CCDC171: variants seen among roughly 807,000 people sequenced by gnomAD.
The protein encoded by CCDC171 is coiled-coil domain containing 171, also known as coiled-coil domain-containing protein 171.
Under a neutral mutation model 168.2 loss-of-function variants are expected in CCDC171, and 177 were observed. The observed-to-expected ratio is 1.05, with a 90% confidence interval of 0.93 to 1.19. The LOEUF (loss-of-function observed/expected upper bound fraction) is 1.19. Ranked by LOEUF, CCDC171 falls within the 50% of genes most tolerant of loss-of-function variation. The pLI, the probability that CCDC171 is intolerant of heterozygous loss-of-function variation, is 0.00. For synonymous variants in CCDC171, 687 were observed against 540.8 expected (o/e 1.27, Z -3.75); for missense variants, 1,991 against 1,539.0 (o/e 1.29, Z -4.91).
intron 7 of CCDC171, 109 bp from the exon 8 acceptor site, chr9:15,657,018 G>A (rs1191874113): frequency 8.3e-6 from 4 of 479,812 alleles, no homozygotes; most frequent in Admixed American, 7.9e-5. Flanking sequence ...AAAAAAATGA[G>A]GCTGCAAGTC....
intron 25 of CCDC171, among the ~76,000 whole-genome samples, chr9:15,949,816 G>T (rs1334945304): frequency 6.6e-6 from 1 of 151,998 alleles, no homozygotes; most frequent in Non-Finnish European, 1.5e-5. Flanking sequence ...CTGCCTAATT[G>T]CCCTGGCCAG....
Position 15,770,492 on chromosome 9 carries a change from A to G in CCDC171, c.2672-7108A>G, listed in dbSNP as rs1334843758. On this transcript the variant is annotated intron_variant, in intron 18 of 25. Transcript: ENST00000380701. ...TTCCACCAGACTGCCAAAGGTATCTACAGTACAAATGTATCATTTGTCTAA... is the reference window on the plus strand; with the variant it reads ...TTCCACCAGACTGCCAAAGGTATCTGCAGTACAAATGTATCATTTGTCTAA... Among the ~76,000 whole-genome samples, 4 of 152,218 alleles carry G rather than the reference A, an allele frequency of 2.6e-5. No individual in the cohort carries two copies. The East Asian group carries it at 5.8e-4, about 22-fold the overall frequency.
chr9:15,623,206 G>A (rs2044647139), intron 6 of CCDC171, 61 bp from the exon 7 acceptor site: 5 of 1,239,324 alleles, frequency 4.0e-6, no homozygotes, highest in Non-Finnish European at 5.5e-6. Flanking sequence ...TTCTATTGGA[G>A]TGACTCTTAG....
chr9:15,635,149 C>T (rs188048858), intron 7 of CCDC171, among the ~76,000 whole-genome samples: 1 of 152,216 alleles, frequency 6.6e-6, no homozygotes, highest in East Asian at 1.9e-4. Flanking sequence ...CTTACACTAT[C>T]ACAAGTTGAA....
At chr9:15,877,810 T>C (rs1007916410) in intron 24 of CCDC171, among the ~76,000 whole-genome samples, 1 of 152,158 alleles carries the variant, frequency 6.6e-6, no homozygotes, top group African/African-American at 2.4e-5. Context: ...TATCTTATAC[T>C]CTGAATTACA....
At chr9:15,686,488 T>G (rs1382216066) in intron 10 of CCDC171, among the ~76,000 whole-genome samples, 1 of 151,538 alleles carries the variant, frequency 6.6e-6, no homozygotes, top group African/African-American at 2.4e-5. Context: ...GCACTCCAGC[T>G]TGGGCAACAG....
chr9:15,970,408 T>TA (rs1010846444), intron 25 of CCDC171, among the ~76,000 whole-genome samples: 1 of 151,026 alleles, frequency 6.6e-6, no homozygotes, highest in African/African-American at 2.5e-5. Flanking sequence ...TTTTTTTTTT[T>TA]AAAACCCTGC....
intron 24 of CCDC171, among the ~76,000 whole-genome samples, chr9:15,919,693 T>C (rs755236128): frequency 6.6e-6 from 1 of 151,682 alleles, no homozygotes; most frequent in African/African-American, 2.4e-5. Context: ...CAGAACTTGC[T>C]TATGTTAATT....
At position 15,989,266 on chromosome 9, in the gene CCDC171, C is replaced by T. The variant is rs780450878; in HGVS notation, n.369-31323C>T. On this transcript the variant is annotated intron_variant and non_coding_transcript_variant, in intron 3 of 9. Coordinates refer to the CCDC171 transcript ENST00000486641. ...ACAATCAGGCAGCAACATTTACTGT[C>T]AGCAATACTCACTATTCTGCAGCCT... Among the ~76,000 whole-genome samples the T allele has an allele frequency of 2.4e-4, 37 of 151,534 alleles. 1 individual carries two copies. Among genetic ancestry groups the T allele is most frequent in the Admixed American group, 5.2e-4 (8 of 15,260 alleles).
At chr9:15,999,712 A>G (rs946876397) in intron 3 of CCDC171, among the ~76,000 whole-genome samples, 1 of 152,122 alleles carries the variant, frequency 6.6e-6, no homozygotes, top group Non-Finnish European at 1.5e-5. Context: ...GCCATGCTCA[A>G]TTCTACTGCT....
downstream of CCDC171, among the ~76,000 whole-genome samples, chr9:16,066,626 A>AAC (rs1833994225): frequency 9.6e-6 from 1 of 104,524 alleles, no homozygotes; most frequent in Non-Finnish European, 1.8e-5. Context: ...CCCACCCCAC[A>AAC]ACAGTCCCCA....
chr9:15,673,963 G>C (rs1010846205), intron 9 of CCDC171, among the ~76,000 whole-genome samples: 2 of 152,124 alleles, frequency 1.3e-5, no homozygotes, highest in Middle Eastern at 3.2e-3. Context: ...ATTTGGCTGT[G>C]AATCTGTGCA....
At chr9:15,917,151 C>G (rs1275800429) in intron 24 of CCDC171, among the ~76,000 whole-genome samples, 1 of 151,892 alleles carries the variant, frequency 6.6e-6, no homozygotes, top group African/African-American at 2.4e-5. Flanking sequence ...GTATGCTTTA[C>G]TGTATAGTTT....
At chr9:15,766,440 T>C (rs1358303551) in intron 18 of CCDC171, among the ~76,000 whole-genome samples, 1 of 151,474 alleles carries the variant, frequency 6.6e-6, no homozygotes, top group Non-Finnish European at 1.5e-5. Flanking sequence ...GTATATATAT[T>C]TTTATTTTAG....
At chr9:15,628,081 C>T (rs1463982380) in intron 7 of CCDC171, among the ~76,000 whole-genome samples, 1 of 152,180 alleles carries the variant, frequency 6.6e-6, no homozygotes, top group African/African-American at 2.4e-5. Flanking sequence ...CTGCTGTCTA[C>T]AGCTCCCAGC....
At chr9:15,643,040 C>G (rs1006532010) in intron 7 of CCDC171, among the ~76,000 whole-genome samples, 2 of 151,712 alleles carry the variant, frequency 1.3e-5, no homozygotes, top group East Asian at 3.9e-4. Flanking sequence ...TTTTTTTTCT[C>G]TCTGTGCCCT....
At position 15,578,248 on chromosome 9, in the gene CCDC171, T is replaced by A. The variant is rs143500147; in HGVS notation, c.178-601T>A. ...TGAATATTTTCTTTTCTTTATTTTT[T>A]TTTTTTTAGACGGTCTTGCTCTGTC... On this transcript the variant is annotated intron_variant, in intron 3 of 25. Coordinates refer to ENST00000380701, the MANE Select transcript of CCDC171 (RefSeq NM_173550.4). Among the ~76,000 whole-genome samples, 50 of 151,110 alleles carry A rather than the reference T, an allele frequency of 3.3e-4. No homozygotes were observed. The East Asian group carries it at 8.9e-3, about 27-fold the overall frequency.
At chr9:16,020,020 C>T (rs1211497037) in intron 3 of CCDC171, among the ~76,000 whole-genome samples, 1 of 152,090 alleles carries the variant, frequency 6.6e-6, no homozygotes, top group African/African-American at 2.4e-5. Context: ...TTCCAAGAAC[C>T]CCAGTGGAAG....
intron 1 of CCDC171, among the ~76,000 whole-genome samples, chr9:16,052,000 C>T (rs943590919): frequency 1.3e-5 from 2 of 152,152 alleles, no homozygotes; most frequent in East Asian, 1.9e-4. Flanking sequence ...TGTTCACTAT[C>T]GTGAGAACAG....
Sources: allele counts gnomAD v4.1 joint callset (sites outside exome capture counted in the v4.1 genomes callset), GRCh38; gene constraint gnomAD v4.1.1; transcripts MANE v1.5; gene names NCBI Gene and HGNC (gene_info 2026-07-23, HGNC 2026-07-21).